CAMK1D: variants seen among roughly 807,000 people sequenced by gnomAD.
The protein encoded by CAMK1D is calcium/calmodulin-dependent protein kinase type 1D.
In CAMK1D, 9 loss-of-function variants were observed where a neutral mutation model predicts 47.7. The observed-to-expected ratio is 0.19, with a 90% CI of 0.11 to 0.33. The LOEUF (loss-of-function observed/expected upper bound fraction) is 0.33, where lower values mean the gene tolerates loss of function less well. Among genes scored for constraint, CAMK1D ranks in the 10% least tolerant of loss-of-function variants. The pLI is 1.00. For missense variants in CAMK1D, 291 were observed against 488.7 expected (o/e 0.60, Z 3.81); for synonymous variants, 184 against 184.9 (o/e 0.99, Z 0.04).
chr10:12,626,475 C>CTTTTTTTTT (rs35033817), intron 2 of CAMK1D, among the ~76,000 whole-genome samples: 1 of 136,298 alleles, frequency 7.3e-6, no homozygotes, highest in African/African-American at 2.6e-5. Context: ...TTCTTTCTTT[C>CTTTTTTTTT]TTTTTTTTTT....
At chr10:12,753,762 A>G (rs1473044035) in intron 3 of CAMK1D, among the ~76,000 whole-genome samples, 1 of 152,160 alleles carries the variant, frequency 6.6e-6, no homozygotes, top group Admixed American at 6.5e-5. Flanking sequence ...CATGGCCTGT[A>G]TTCTCCGAAA....
At chr10:12,666,857 C>T (rs1446285824) in intron 3 of CAMK1D, 47 bp downstream of exon 3, 2 of 1,438,096 alleles carry the variant, frequency 1.4e-6, no homozygotes, top group East Asian at 2.3e-5. Context: ...CTTGCAAACT[C>T]CAATGTCTAA....
chr10:12,723,055 A>G (rs1192611806), intron 3 of CAMK1D, among the ~76,000 whole-genome samples: 1 of 152,172 alleles, frequency 6.6e-6, no homozygotes, highest in Non-Finnish European at 1.5e-5. Flanking sequence ...AACTATGTGA[A>G]CACCACATGG....
intron 1 of CAMK1D, among the ~76,000 whole-genome samples, chr10:12,445,078 G>C (rs1054609003): frequency 6.6e-6 from 1 of 152,216 alleles, no homozygotes; most frequent in Non-Finnish European, 1.5e-5. Flanking sequence ...CTATACTAGA[G>C]ACAGGCTGGA....
intron 1 of CAMK1D, among the ~76,000 whole-genome samples, chr10:12,436,378 G>T (rs1487471912): frequency 5.9e-5 from 9 of 152,188 alleles, no homozygotes; most frequent in Admixed American, 5.2e-4. Context: ...CCTCAGCCTC[G>T]CTGGATGAAG....
chr10:12,505,313 CT>C (rs895388323), intron 1 of CAMK1D, among the ~76,000 whole-genome samples: 1 of 152,204 alleles, frequency 6.6e-6, no homozygotes, highest in Non-Finnish European at 1.5e-5. Context: ...TTGTTGACCT[CT>C]TTTCTCTCAA....
intron 4 of CAMK1D, among the ~76,000 whole-genome samples, chr10:12,762,217 C>T (rs1836544224): frequency 6.6e-6 from 1 of 152,164 alleles, no homozygotes; most frequent in East Asian, 1.9e-4. Context: ...GCTTACTGCA[C>T]CAGTCAAGAC....
At chr10:12,527,880 T>C (rs745958951) in intron 1 of CAMK1D, among the ~76,000 whole-genome samples, 1 of 152,238 alleles carries the variant, frequency 6.6e-6, no homozygotes, top group Non-Finnish European at 1.5e-5. Flanking sequence ...GTGGGCTTGC[T>C]TCATCTTGGC....
intron 3 of CAMK1D, among the ~76,000 whole-genome samples, chr10:12,676,266 C>T (rs995991571): frequency 6.6e-6 from 1 of 152,156 alleles, no homozygotes; most frequent in African/African-American, 2.4e-5. Flanking sequence ...AATCACTTAT[C>T]TTAATGCTAT....
At chr10:12,657,976 C>A (rs984647933) in intron 2 of CAMK1D, among the ~76,000 whole-genome samples, 1 of 152,092 alleles carries the variant, frequency 6.6e-6, no homozygotes, top group African/African-American at 2.4e-5. Context: ...GTGGTGAAAC[C>A]CTGTCTCTAC....
At chr10:12,799,581 T>C (rs1472289604) in intron 6 of CAMK1D, among the ~76,000 whole-genome samples, 1 of 152,204 alleles carries the variant, frequency 6.6e-6, no homozygotes, top group Admixed American at 6.5e-5. Flanking sequence ...CGCCTCCAGG[T>C]TGGGTGTCTG....
At chr10:12,405,347 C>T (rs1839381673) in intron 1 of CAMK1D, among the ~76,000 whole-genome samples, 1 of 152,100 alleles carries the variant, frequency 6.6e-6, no homozygotes, top group Admixed American at 6.5e-5. Context: ...AGACATAATG[C>T]CCAGGAAACA....
At chr10:12,550,706 C>T (rs1049006223) in intron 1 of CAMK1D, among the ~76,000 whole-genome samples, 1 of 152,066 alleles carries the variant, frequency 6.6e-6, no homozygotes, top group African/African-American at 2.4e-5. Flanking sequence ...GGGGAGAATC[C>T]TATGGGTGAA....
intron 3 of CAMK1D, among the ~76,000 whole-genome samples, chr10:12,687,152 T>C (rs374331575): frequency 2.6e-5 from 4 of 152,114 alleles, no homozygotes; most frequent in African/African-American, 4.8e-5. Flanking sequence ...TCAGAACATA[T>C]TCATTTTTAA....
chr10:12,505,281 A>C (rs2132150584), intron 1 of CAMK1D, among the ~76,000 whole-genome samples: 1 of 152,324 alleles, frequency 6.6e-6, no homozygotes, highest in East Asian at 1.9e-4. Context: ...CAAGAATTGC[A>C]CTTGTTTGTA....
At chr10:12,573,617 C>G (rs561475933) in intron 2 of CAMK1D, among the ~76,000 whole-genome samples, 2 of 151,992 alleles carry the variant, frequency 1.3e-5, no homozygotes, top group South Asian at 2.1e-4. Flanking sequence ...TTCTTTCCTT[C>G]TTTTTCTTCC....
At chr10:12,774,958 G>A (rs1022505826) in intron 5 of CAMK1D, among the ~76,000 whole-genome samples, 6 of 152,278 alleles carry the variant, frequency 3.9e-5, no homozygotes, top group African/African-American at 1.4e-4. Flanking sequence ...TCTAGGACAC[G>A]AGCTGGGATC....
intron 2 of CAMK1D, among the ~76,000 whole-genome samples, chr10:12,563,694 A>AGG (rs746810081): frequency 4.7e-5 from 3 of 64,374 alleles, no homozygotes; most frequent in Non-Finnish European, 1.2e-4. Flanking sequence ...AGAGAGAGAG[A>AGG]GAGAGGGAGA....
intron 1 of CAMK1D, 25 bp downstream of exon 1, chr10:12,349,935 G>A (rs756825541): frequency 6.9e-7 from 1 of 1,451,076 alleles, no homozygotes; most frequent in East Asian, 2.9e-5. Context: ...GGGAGGCGAG[G>A]GTGGAGGTGG....
Sources: gnomAD v4.1 joint callset for allele counts (sites outside exome capture counted in the v4.1 genomes callset) on GRCh38, gnomAD v4.1.1 for gene constraint, MANE v1.5 for transcripts, NCBI Gene and HGNC (gene_info 2026-07-23, HGNC 2026-07-21) for gene names.